PEX3: variants seen among roughly 807,000 people sequenced by gnomAD.
PEX3 encodes peroxisomal biogenesis factor 3, also known as peroxin-3.
A neutral mutation model predicts 55.8 loss-of-function variants in PEX3; 30 were observed. The observed-to-expected ratio is 0.54, with a 90% CI of 0.40 to 0.73. The LOEUF (loss-of-function observed/expected upper bound fraction) is 0.73, where lower values mean the gene tolerates loss of function less well. Ranked by LOEUF, PEX3 falls within the 30% of genes least tolerant of loss-of-function variation. The pLI, the probability that PEX3 is intolerant of heterozygous loss-of-function variation, is 0.00. For missense variants in PEX3, 351 were observed against 432.8 expected (o/e 0.81, Z 1.68); for synonymous variants, 135 against 148.4 (o/e 0.91, Z 0.66).
At position 143,453,907 on chromosome 6, in the gene PEX3, G is replaced by A. The variant is rs1483300134; in HGVS notation, c.73+2792G>A. 2.6e-5 allele frequency among the ~76,000 whole-genome samples: 4 copies of A among 152,050 alleles called. No homozygotes were observed. The highest frequency in any genetic ancestry group is 9.7e-5 in the African/African-American group (4 of 41,416). ...TTGACCAGTTTGTGAAAAGACTAGA[G>A]AATTGACTCCCAAACTTTTTGATCT... On this transcript the variant is annotated intron_variant, in intron 1 of 11. Coordinates refer to ENST00000367591, the MANE Select transcript of PEX3 (RefSeq NM_003630.3). This position sits in a 1 kb window ranked among gnomAD's most constrained non-coding sequence, Gnocchi z 4.6.
In PEX3 at chr6:143,487,752, A is replaced by G. The variant is rs1055355366; in HGVS notation, c.1039-1391A>G. Among the ~76,000 whole-genome samples the G allele has an allele frequency of 6.6e-6, 1 of 151,708 alleles. No homozygotes were observed. Among genetic ancestry groups the G allele is most frequent in the African/African-American group, 2.4e-5 (1 of 41,320 alleles). On this transcript the variant is annotated intron_variant, in intron 11 of 11. Coordinates refer to ENST00000367591, the MANE Select transcript of PEX3 (RefSeq NM_003630.3). This position sits in a 1 kb window ranked among gnomAD's most constrained non-coding sequence, Gnocchi z 5.3. ...ATTTTTTTTTTTATCTACTGTAACT[A>G]TTCTGAAAGCTTCATTTGTATCATG...
In PEX3 at chr6:143,486,991, G is replaced by A. The variant is rs1047339173; in HGVS notation, c.1038+1743G>A. Among the ~76,000 whole-genome samples, 8 of 152,178 alleles carry A rather than the reference G, an allele frequency of 5.3e-5. No individual in the cohort carries two copies. The highest frequency in any genetic ancestry group is 8.8e-5 in the Non-Finnish European group (6 of 68,022). On this transcript the variant is annotated intron_variant, in intron 11 of 11. Coordinates refer to ENST00000367591, the MANE Select transcript of PEX3 (RefSeq NM_003630.3). This position sits in a 1 kb window ranked among gnomAD's most constrained non-coding sequence, Gnocchi z 5.0. ...AGGCGGCAGTGGATTTGGCCTGCAG[G>A]CCATACTTTGCTGACCCCTTTGGTA... is the stretch of plus-strand genomic sequence containing the variant.
chr6:143,490,552 C>A lies in PEX3; in HGVS notation c.*1326C>A. 1 of 488,426 alleles carries A rather than the reference C, an allele frequency of 2.0e-6. No homozygotes were observed. Among genetic ancestry groups the A allele is most frequent in the Non-Finnish European group, 3.3e-6 (1 of 300,528 alleles). The allele number at this position is 488,426 out of a possible 1,614,324, so 30.3% of individuals were successfully genotyped here. On this transcript the variant is annotated 3_prime_UTR_variant, in exon 12 of 12. Coordinates refer to ENST00000367591, the MANE Select transcript of PEX3 (RefSeq NM_003630.3). This position sits in a 1 kb window ranked among gnomAD's most constrained non-coding sequence, Gnocchi z 6.0. ...CTCACATATGCTAATCTTGGCAAATCTGCCAAGCATGTCTTCACCAAGGGA... is the reference window on the plus strand; with the variant it reads ...CTCACATATGCTAATCTTGGCAAATATGCCAAGCATGTCTTCACCAAGGGA...
At chr6:143,460,864 CAAAAAA>C (rs57329535) in intron 2 of PEX3, among the ~76,000 whole-genome samples, 1 of 76,180 alleles carries the variant, frequency 1.3e-5, no homozygotes, top group African/African-American at 4.1e-5. Flanking sequence ...AACTCTGTCT[CAAAAAA>C]AAAAAAAAAA....
In PEX3 at chr6:143,463,457, T is replaced by G. The variant is rs769303708; in HGVS notation, c.287+460T>G. On this transcript the variant is annotated intron_variant, in intron 3 of 11. Coordinates refer to ENST00000367591, the MANE Select transcript of PEX3 (RefSeq NM_003630.3). This position sits in a 1 kb window ranked among gnomAD's most constrained non-coding sequence, Gnocchi z 5.7. ...AACAAAATGAAATACAAACATAACA[T>G]GAGCATGCAATACTAATAATTTACA... 5.3e-5 allele frequency among the ~76,000 whole-genome samples: 8 copies of G among 152,208 alleles called. No individual in the cohort carries two copies. Among genetic ancestry groups the G allele is most frequent in the Non-Finnish European group, 1.2e-4 (8 of 68,022 alleles).
At chr6:143,484,005 C>G (rs1780279378) in intron 10 of PEX3, among the ~76,000 whole-genome samples, 2 of 151,920 alleles carry the variant, frequency 1.3e-5, no homozygotes, top group Admixed American at 1.3e-4. Context: ...TTCCTTTATT[C>G]TTTTTTAAGC....
rs1353865222 is a variant in PEX3 at position 143,459,204 on chromosome 6, T to A, written c.193T>A (p.Cys65Ser). 11 of 1,612,786 alleles carry A rather than the reference T, an allele frequency of 6.8e-6. No individual in the cohort carries two copies. The highest frequency in any genetic ancestry group is 9.3e-6 in the Non-Finnish European group (11 of 1,178,920). Residue 65 changes from cysteine (C) to serine (S), a missense_variant, in exon 2 of 12, where the codon TGC becomes AGC. Transcript: ENST00000367591. The surrounding 1 kb of genome is among the most constrained non-coding windows in gnomAD (Gnocchi z 4.2). ...QYHFESNQRT[C>S]NMTVLSMLPT... ...TCATTTTGAAAGTAACCAGAGGACT[T>A]GCAATATGACAGGTAAGACAGAGAA...
Position 143,489,296 on chromosome 6 carries a change from C to A in PEX3, c.*70C>A. On this transcript the variant is annotated 3_prime_UTR_variant, in exon 12 of 12. Transcript: ENST00000367591. The surrounding 1 kb of genome is among the most constrained non-coding windows in gnomAD (Gnocchi z 5.5). ...AAATACACTGGGTAAATCACCTATA[C>A]TTAGAGTAACAGTTTGTTATCAAAA... The A allele has an allele frequency of 1.2e-6, 1 of 831,094 alleles. No homozygotes were observed. Among genetic ancestry groups the A allele is most frequent in the Non-Finnish European group, 2.1e-6 (1 of 469,582 alleles). The allele number at this position is 831,094 out of a possible 1,614,324, so 51.5% of individuals were successfully genotyped here. A position where few individuals can be genotyped will look rare whatever the true frequency, so the allele number is the denominator to read the frequency against.
chr6:143,488,688 A>G lies in PEX3; in HGVS notation c.1039-455A>G, dbSNP rs565402995. ...TTGGGGTGTTAATAACCCTTACACT[A>G]TAGTGTATATGTGTGGTTCATGTAT... is the stretch of plus-strand genomic sequence containing the variant. On this transcript the variant is annotated intron_variant, in intron 11 of 11. Transcript: ENST00000367591. This position sits in a 1 kb window ranked among gnomAD's most constrained non-coding sequence, Gnocchi z 4.9. Among the ~76,000 whole-genome samples, 37 of 152,218 alleles carry G rather than the reference A, an allele frequency of 2.4e-4. No homozygotes were observed. Among genetic ancestry groups the G allele is most frequent in the Admixed American group, 1.2e-3 (19 of 15,268 alleles).
rs1204727445 is a variant in PEX3 at position 143,475,798 on chromosome 6, C to T, written c.818+942C>T. ...TAAAGCCAAATGTATAGCCCTAGTC[C>T]TCCACCCTCAGGAGCTTGTCTGGAT... On this transcript the variant is annotated intron_variant, in intron 9 of 11. Transcript: ENST00000367591. The surrounding 1 kb of genome is among the most constrained non-coding windows in gnomAD (Gnocchi z 4.4). Among the ~76,000 whole-genome samples, 1 of 152,248 alleles carries T rather than the reference C, an allele frequency of 6.6e-6. No homozygotes were observed. Among genetic ancestry groups the T allele is most frequent in the Admixed American group, 6.5e-5 (1 of 15,292 alleles).
chr6:143,480,599 A>G (rs1780221774), intron 10 of PEX3, among the ~76,000 whole-genome samples: 3 of 152,226 alleles, frequency 2.0e-5, no homozygotes, highest in Non-Finnish European at 4.4e-5. Flanking sequence ...GATATTTTCT[A>G]TATAAGTTTT....
Position 143,459,505 on chromosome 6 carries a change from AAG to A in PEX3, c.205+291_205+292del, listed in dbSNP as rs1779890925. Among the ~76,000 whole-genome samples the A allele has an allele frequency of 6.6e-6, 1 of 152,264 alleles. No individual in the cohort carries two copies. Among genetic ancestry groups the A allele is most frequent in the Non-Finnish European group, 1.5e-5 (1 of 68,050 alleles). On this transcript the variant is annotated intron_variant, in intron 2 of 11. Coordinates refer to ENST00000367591, the MANE Select transcript of PEX3 (RefSeq NM_003630.3). The surrounding 1 kb of genome is among the most constrained non-coding windows in gnomAD (Gnocchi z 4.2). The stretch of plus-strand genomic sequence containing the variant: ...GGAGTTTATATTCTAGGGAGAGGAA[AAG>A]ATGATAAACAACAAATAAGTAACTT...
At chr6:143,477,891 C>T (rs1019142449) in intron 9 of PEX3, among the ~76,000 whole-genome samples, 5 of 151,896 alleles carry the variant, frequency 3.3e-5, no homozygotes, top group African/African-American at 1.2e-4. Flanking sequence ...AAAGTTCAGC[C>T]CAAATTACCG....
rs562210551 is a variant in PEX3, at chr6:143,476,320, G to A, written c.818+1464G>A. Among the ~76,000 whole-genome samples the A allele has an allele frequency of 1.3e-5, 2 of 152,226 alleles. No homozygotes were observed. The highest frequency in any genetic ancestry group is 4.1e-4 in the South Asian group (2 of 4,820). ...GGGAAGTGAGATTGGAGAGATAGATGGAAACTCCAGAGTATGTTGAACCTT... is the reference window on the plus strand; with the variant it reads ...GGGAAGTGAGATTGGAGAGATAGATAGAAACTCCAGAGTATGTTGAACCTT... On this transcript the variant is annotated intron_variant, in intron 9 of 11. Transcript: ENST00000367591. This position sits in a 1 kb window ranked among gnomAD's most constrained non-coding sequence, Gnocchi z 5.4.
Position 143,471,537 on chromosome 6 carries a change from G to A in PEX3, c.524-20G>A. 6.2e-7 allele frequency: 1 copy of A among 1,602,390 alleles called. No individual in the cohort carries two copies. Among genetic ancestry groups the A allele is most frequent in the South Asian group, 1.1e-5 (1 of 90,658 alleles). On this transcript the variant is annotated intron_variant, in intron 6 of 11. Transcript: ENST00000367591. This position sits in a 1 kb window ranked among gnomAD's most constrained non-coding sequence, Gnocchi z 5.4. Reference sequence around the variant, plus strand: ...TTTTTAAACTAAGCAAGGCTTTTAGGTTTGTTTTTTCTTTAATAGGCCTGA... The same window carrying A: ...TTTTTAAACTAAGCAAGGCTTTTAGATTTGTTTTTTCTTTAATAGGCCTGA...
At chr6:143,455,359 ATTTTTTTTTTTTTTTT>A (rs56788350) in intron 1 of PEX3, among the ~76,000 whole-genome samples, 1 of 71,968 alleles carries the variant, frequency 1.4e-5, no homozygotes, top group Non-Finnish European at 2.7e-5. Flanking sequence ...CGCCCGGCTA[ATTTTTTTTTTTTTTTT>A]TTTTTTTTTT....
chr6:143,456,930 G>A (rs1353220199), intron 1 of PEX3, among the ~76,000 whole-genome samples: 2 of 152,086 alleles, frequency 1.3e-5, no homozygotes, highest in African/African-American at 2.4e-5. Flanking sequence ...TAGACCAAAT[G>A]TACACACTTA....
rs904841856 is a variant in PEX3 at position 143,451,440 on chromosome 6, T to A, written c.73+325T>A. Among the ~76,000 whole-genome samples, 2 of 152,198 alleles carry A rather than the reference T, an allele frequency of 1.3e-5. No individual in the cohort carries two copies. Among genetic ancestry groups the A allele is most frequent in the Non-Finnish European group, 2.9e-5 (2 of 68,034 alleles). ...TCTTACAGGAACTTTTTAAAAAAAATTCTGCTTTCCTGTGAGATTCTGCAT... is the reference window on the plus strand; with the variant it reads ...TCTTACAGGAACTTTTTAAAAAAAAATCTGCTTTCCTGTGAGATTCTGCAT... On this transcript the variant is annotated intron_variant, in intron 1 of 11. Transcript: ENST00000367591. The surrounding 1 kb of genome is among the most constrained non-coding windows in gnomAD (Gnocchi z 4.1).
At chr6:143,461,971 C>T (rs1024140322) in intron 2 of PEX3, among the ~76,000 whole-genome samples, 7 of 152,170 alleles carry the variant, frequency 4.6e-5, no homozygotes, top group Middle Eastern at 3.4e-3. Context: ...ATGTGGTGGT[C>T]TTCATATTTT....
Sources: gnomAD v4.1 joint callset for allele counts (sites outside exome capture counted in the v4.1 genomes callset) on GRCh38, gnomAD v4.1.1 for gene constraint, Gnocchi (gnomAD v3.1) non-coding constraint, MANE v1.5 for transcripts, NCBI Gene and HGNC (gene_info 2026-07-23, HGNC 2026-07-21) for gene names.